The following EDEM1 variants were observed in gnomAD, a reference collection of about 807,000 sequenced individuals.
EDEM1 encodes the protein ER degradation-enhancing alpha-mannosidase-like protein 1.
A neutral mutation model predicts 74.4 loss-of-function variants in EDEM1; 67 were observed. The ratio of observed to expected loss-of-function variants is 0.90; its 90% CI spans 0.74 to 1.10. The LOEUF (loss-of-function observed/expected upper bound fraction) is 1.10. EDEM1 is among the 50% of genes least tolerant of loss of function. The pLI, the probability that EDEM1 is intolerant of heterozygous loss-of-function variation, is 0.00. For missense variants in EDEM1, 926 were observed against 851.6 expected (o/e 1.09, Z -1.09); for synonymous variants, 382 against 335.9 (o/e 1.14, Z -1.50).
rs777814846 is a variant in EDEM1, at chr3:5,187,955, C to T, written c.150C>T (p.Asp50=). The change falls in exon 1 of 12, where the codon GAC becomes GAT. Residue 50 remains aspartate, a synonymous_variant. Transcript: ENST00000256497. The stretch of plus-strand genomic sequence containing the variant: ...GCTTCCAGCGTCTGAGGAGCCCCGA[C>T]GGCCCCGCGTCGCCCACCTCGGGGC... ...SFGFQRLRSP[D]GPASPTSGPV... is the part of the protein sequence containing the mutation. The T allele has an allele frequency of 2.7e-5, 43 of 1,566,574 alleles. No homozygotes were observed. Among genetic ancestry groups the T allele is most frequent in the Middle Eastern group, 2.2e-4 (1 of 4,558 alleles).
chr3:5,200,765 C>G (rs1030692524), intron 3 of EDEM1, among the ~76,000 whole-genome samples: 1 of 152,118 alleles, frequency 6.6e-6, no homozygotes, highest in Admixed American at 6.5e-5. Flanking sequence ...TTTTCCTCCT[C>G]CTCTTCACCT....
chr3:5,199,762 C>G (rs946471483), intron 3 of EDEM1, 67 bp downstream of exon 3: 2 of 1,340,182 alleles, frequency 1.5e-6, no homozygotes, highest in East Asian at 4.9e-5. Flanking sequence ...AAAAAAATAC[C>G]TTTGAGGGTC....
chr3:5,206,283 C>G (rs749393750), intron 6 of EDEM1, among the ~76,000 whole-genome samples: 9 of 151,556 alleles, frequency 5.9e-5, no homozygotes, highest in Non-Finnish European at 1.0e-4. Flanking sequence ...TCTTGGCTCA[C>G]TGCAACCTCT....
At position 5,205,224 on chromosome 3, in the gene EDEM1, G is replaced by A. The variant is rs1171613200; in HGVS notation, c.1200G>A (p.Gln400=). ...TTAATGCTGCATATCAGAGTATTCA[G>A]AACTACTTAAGAAGAGGGTATGTCT... ...EMFNAAYQSI[Q]NYLRRGREAC... The change falls in exon 6 of 12, where the codon CAG becomes CAA. Residue 400 remains glutamine, a synonymous_variant. Transcript: ENST00000256497. The A allele has an allele frequency of 1.2e-6, 2 of 1,613,756 alleles. No individual in the cohort carries two copies. Among genetic ancestry groups the A allele is most frequent in the African/African-American group, 1.3e-5 (1 of 74,902 alleles).
rs2055237899 is a variant in EDEM1, at chr3:5,216,423, G to A, written c.*505G>A. The A allele has an allele frequency of 6.6e-6, 1 of 152,208 alleles. No homozygotes were observed. Among genetic ancestry groups the A allele is most frequent in the African/African-American group, 2.4e-5 (1 of 41,420 alleles). 9.4% of individuals were successfully genotyped at this position (152,208 alleles called of 1,614,324 possible). A position where few individuals can be genotyped will look rare whatever the true frequency, so the allele number is the denominator to read the frequency against. Reference sequence around the variant, plus strand: ...GCTGGGATTACAGGTGAGCACCACTGTACCTGGCTAGCTACTTCTTTGTTA... The same window carrying A: ...GCTGGGATTACAGGTGAGCACCACTATACCTGGCTAGCTACTTCTTTGTTA... On this transcript the variant is annotated 3_prime_UTR_variant, in exon 12 of 12. Coordinates refer to ENST00000256497, the MANE Select transcript of EDEM1 (RefSeq NM_014674.3).
At chr3:5,191,584 CAA>C (rs1282051383) in intron 1 of EDEM1, among the ~76,000 whole-genome samples, 2 of 152,128 alleles carry the variant, frequency 1.3e-5, no homozygotes, top group Non-Finnish European at 2.9e-5. Context: ...ACTCATTTAA[CAA>C]GAGTGAATTT....
At chr3:5,194,454 T>TA (rs1321627778) in intron 1 of EDEM1, among the ~76,000 whole-genome samples, 2 of 152,212 alleles carry the variant, frequency 1.3e-5, no homozygotes, top group African/African-American at 4.8e-5. Context: ...TACAAAGACA[T>TA]ACCACAGTGC....
intron 2 of EDEM1, 58 bp downstream of exon 2, chr3:5,195,339 C>A: frequency 9.1e-7 from 1 of 1,097,410 alleles, no homozygotes; most frequent in South Asian, 1.7e-5. Flanking sequence ...TTGATTATCC[C>A]TAGTTCCCTC....
rs537654256 is a variant in EDEM1, at chr3:5,217,782, T to C, written c.*1864T>C. On this transcript the variant is annotated 3_prime_UTR_variant, in exon 12 of 12. Coordinates refer to ENST00000256497, the MANE Select transcript of EDEM1 (RefSeq NM_014674.3). ...TATTTTAAATGTTTTCACTGACTCATTGAAAATGTTAATTACACACACATG... is the reference window on the plus strand; with the variant it reads ...TATTTTAAATGTTTTCACTGACTCACTGAAAATGTTAATTACACACACATG... 1.6e-3 allele frequency: 239 copies of C among 152,292 alleles called. 1 individual carries two copies. Among genetic ancestry groups the C allele is most frequent in the African/African-American group, 5.3e-3 (220 of 41,566 alleles). 9.4% of individuals were successfully genotyped at this position (152,292 alleles called of 1,614,324 possible). A position where few individuals can be genotyped will look rare whatever the true frequency, so the allele number is the denominator to read the frequency against.
chr3:5,193,569 T>A (rs2106587882), intron 1 of EDEM1, among the ~76,000 whole-genome samples: 1 of 152,208 alleles, frequency 6.6e-6, no homozygotes, highest in South Asian at 2.1e-4. Flanking sequence ...AGCCCCCATA[T>A]ATATCTCGTT....
In EDEM1 at chr3:5,205,531, C is replaced by T. The variant is rs188028421; in HGVS notation, c.1217+290C>T. On this transcript the variant is annotated intron_variant, in intron 6 of 11. Coordinates refer to ENST00000256497, the MANE Select transcript of EDEM1 (RefSeq NM_014674.3). Reference sequence around the variant, plus strand: ...TGAGCCAGTCATTCTGGCCCAGGATCTCTCCTGAGGTTGTTGTCAAGCTGG... The same window carrying T: ...TGAGCCAGTCATTCTGGCCCAGGATTTCTCCTGAGGTTGTTGTCAAGCTGG... Among the ~76,000 whole-genome samples, 551 of 152,358 alleles carry T rather than the reference C, an allele frequency of 3.6e-3. 4 individuals carry two copies. The highest frequency in any genetic ancestry group is 0.012 in the African/African-American group (498 of 41,582).
chr3:5,193,088 G>T (rs763641101), intron 1 of EDEM1, among the ~76,000 whole-genome samples: 6 of 152,194 alleles, frequency 3.9e-5, no homozygotes, highest in African/African-American at 1.4e-4. Context: ...CCATGGGCCT[G>T]TGCAGGTGGA....
At chr3:5,188,418 G>C in intron 1 of EDEM1, 104 bp downstream of exon 1, 1 of 1,239,698 alleles carries the variant, frequency 8.1e-7, no homozygotes. Context: ...GGGCGCCAGG[G>C]CCGTTAGGGT....
At chr3:5,215,708 A>G (rs2055226359) in intron 11 of EDEM1, 121 bp from the exon 12 acceptor site, 1 of 918,008 alleles carries the variant, frequency 1.1e-6, no homozygotes, top group Non-Finnish European at 1.8e-6. Flanking sequence ...AGCTTCCACA[A>G]CAGTTACTTC....
chr3:5,201,676 T>C, intron 3 of EDEM1, 77 bp from the exon 4 acceptor site: 1 of 1,564,638 alleles, frequency 6.4e-7, no homozygotes, highest in African/African-American at 1.4e-5. Context: ...ATGAACATAC[T>C]TCTATCTTTC....
rs142697440 is a variant in EDEM1 at position 5,216,047 on chromosome 3, A to G, written c.*129A>G. 2.3e-4 allele frequency: 155 copies of G among 680,116 alleles called. 4 individuals carry two copies. In the African/African-American group the frequency reaches 2.5e-3, roughly 11 times the overall value. 42.1% of individuals were successfully genotyped at this position (680,116 alleles called of 1,614,324 possible). A position where few individuals can be genotyped will look rare whatever the true frequency, so the allele number is the denominator to read the frequency against. On this transcript the variant is annotated 3_prime_UTR_variant, in exon 12 of 12. Transcript: ENST00000256497. ...ATGGTGGTGTAGGAATTTCTGTGCA[A>G]CACCTCACCACGTCTGGTTAATCCT... is the stretch of plus-strand genomic sequence containing the variant.
intron 1 of EDEM1, chr3:5,188,582 G>A (rs1246276089): frequency 2.7e-6 from 1 of 371,864 alleles, no homozygotes; most frequent in Non-Finnish European, 4.7e-6. Flanking sequence ...TACGCGTGAG[G>A]ATACTGAGGT....
chr3:5,208,055 A>G, intron 7 of EDEM1, 38 bp from the exon 8 acceptor site: 1 of 1,551,098 alleles, frequency 6.4e-7, no homozygotes, highest in Non-Finnish European at 8.7e-7. Context: ...CACTCTAGGA[A>G]TGGTATCTCA....
At chr3:5,197,863 T>G (rs1011445190) in intron 2 of EDEM1, among the ~76,000 whole-genome samples, 1 of 151,962 alleles carries the variant, frequency 6.6e-6, no homozygotes, top group African/African-American at 2.4e-5. Context: ...AACGATGAGG[T>G]GGAAAAAATG....
Sources: allele counts gnomAD v4.1 joint callset (sites outside exome capture counted in the v4.1 genomes callset), GRCh38; gene constraint gnomAD v4.1.1; transcripts MANE v1.5; gene names NCBI Gene and HGNC (gene_info 2026-07-23, HGNC 2026-07-21).